The following RAB6A variants were observed in gnomAD, a reference collection of about 807,000 sequenced individuals.
RAB6A encodes the protein ras-related protein Rab-6A.
In RAB6A, 8 loss-of-function variants were observed where a neutral mutation model predicts 32.3. The observed-to-expected ratio is 0.25, with a 90% CI of 0.15 to 0.45. RAB6A has a LOEUF of 0.45. Ranked by LOEUF, RAB6A falls within the 20% of genes least tolerant of loss-of-function variation. RAB6A has a pLI of 1.00. For missense variants in RAB6A, 104 were observed against 249.4 expected, an observed-to-expected ratio of 0.42 and a Z score of 3.93; for synonymous variants, 73 against 82.1, an observed-to-expected ratio of 0.89 and a Z score of 0.60.
intron 1 of RAB6A, among the ~76,000 whole-genome samples, chr11:73,740,258 T>G (rs1470925513): frequency 6.6e-6 from 1 of 152,158 alleles, no homozygotes; most frequent in East Asian, 1.9e-4. Flanking sequence ...TAATGGTAGC[T>G]TAAATCATAT....
chr11:73,739,291 A>G (rs1339312186), intron 1 of RAB6A, among the ~76,000 whole-genome samples: 1 of 79,120 alleles, frequency 1.3e-5, no homozygotes, highest in African/African-American at 4.0e-5. Flanking sequence ...AAAAATATAT[A>G]TATATATATA....
chr11:73,724,576 C>T (rs1183939005), intron 2 of RAB6A, among the ~76,000 whole-genome samples: 5 of 151,242 alleles, frequency 3.3e-5, no homozygotes, highest in African/African-American at 1.2e-4. Flanking sequence ...ACCTCCGCCT[C>T]CCGGGGTTCA....
At chr11:73,679,198 G>C (rs557963772) in intron 7 of RAB6A, among the ~76,000 whole-genome samples, 2 of 152,300 alleles carry the variant, frequency 1.3e-5, no homozygotes, top group South Asian at 4.1e-4. Flanking sequence ...ACTAATATTA[G>C]ATGTCCCAAT....
At chr11:73,713,516 C>T (rs892902616) in intron 5 of RAB6A, among the ~76,000 whole-genome samples, 11 of 149,060 alleles carry the variant, frequency 7.4e-5, no homozygotes, top group Non-Finnish European at 1.5e-4. Context: ...TGCAGTGAGC[C>T]AAGATTGCGC....
At chr11:73,725,583 G>A (rs1380149580) in intron 2 of RAB6A, among the ~76,000 whole-genome samples, 2 of 152,124 alleles carry the variant, frequency 1.3e-5, no homozygotes, top group African/African-American at 4.8e-5. Flanking sequence ...AGAAGCAAGC[G>A]AAAAGGGTTT....
intron 5 of RAB6A, 74 bp downstream of exon 5, chr11:73,716,177 A>G (rs1946048883): frequency 8.4e-7 from 1 of 1,190,442 alleles, no homozygotes. Context: ...TTTCAAAACA[A>G]TTTCTCAGTG....
intron 1 of RAB6A, among the ~76,000 whole-genome samples, chr11:73,736,926 C>T (rs1208098303): frequency 2.8e-5 from 4 of 141,962 alleles, no homozygotes; most frequent in South Asian, 2.2e-4. Context: ...TACAATGAAC[C>T]GTGATCATGC....
At chr11:73,708,315 C>T (rs1288720825) in intron 5 of RAB6A, among the ~76,000 whole-genome samples, 1 of 151,986 alleles carries the variant, frequency 6.6e-6, no homozygotes, top group East Asian at 1.9e-4. Context: ...ATTATAGGCG[C>T]CCACCACCAC....
chr11:73,757,536 A>G (rs1303856733), intron 1 of RAB6A, among the ~76,000 whole-genome samples: 1 of 152,124 alleles, frequency 6.6e-6, no homozygotes, highest in East Asian at 1.9e-4. Context: ...TGAGCACATC[A>G]TTGGTATAAT....
intron 6 of RAB6A, among the ~76,000 whole-genome samples, chr11:73,683,553 T>C (rs924221533): frequency 5.9e-5 from 9 of 151,840 alleles, no homozygotes; most frequent in Non-Finnish European, 1.3e-4. Context: ...CCACCGCACC[T>C]GGTGGCACTA....
At chr11:73,733,550 CAAAAAAAA>C (rs773779816) in intron 1 of RAB6A, among the ~76,000 whole-genome samples, 5 of 118,502 alleles carry the variant, frequency 4.2e-5, no homozygotes, top group Middle Eastern at 5.4e-3. Flanking sequence ...GACACCATCT[CAAAAAAAA>C]AAAAATAAAT....
chr11:73,703,502 A>T (rs952362704), intron 6 of RAB6A, among the ~76,000 whole-genome samples: 1 of 151,406 alleles, frequency 6.6e-6, no homozygotes, highest in Non-Finnish European at 1.5e-5. Flanking sequence ...AGCACTTTGA[A>T]AGGCTGAGGT....
intron 7 of RAB6A, among the ~76,000 whole-genome samples, chr11:73,679,015 C>A (rs186466489): frequency 7.9e-5 from 12 of 152,164 alleles, no homozygotes; most frequent in African/African-American, 2.9e-4. Context: ...CATAAGCCAC[C>A]GCGCCCGGCC....
intron 1 of RAB6A, among the ~76,000 whole-genome samples, chr11:73,731,748 A>T (rs1353266525): frequency 2.0e-4 from 17 of 83,464 alleles, no homozygotes; most frequent in African/African-American, 4.3e-4. Flanking sequence ...ACACACACAT[A>T]TTTTCTTTTT....
rs773059846 is a variant in RAB6A at position 73,760,681 on chromosome 11, G to A, written c.-46C>T. On this transcript the variant is annotated 5_prime_UTR_variant, in exon 1 of 8. Coordinates refer to ENST00000336083, the MANE Select transcript of RAB6A (RefSeq NM_198896.2). The stretch of plus-strand genomic sequence containing the variant: ...CGCCGCCTCAGCCTAGAGACCTCCC[G>A]GACCGATGCTGCTCCAGCCAGCTGA... 12 of 1,582,002 alleles carry A rather than the reference G, an allele frequency of 7.6e-6. No homozygotes were observed. Among genetic ancestry groups the A allele is most frequent in the East Asian group, 2.3e-5 (1 of 43,366 alleles).
At chr11:73,757,889 C>A (rs868861314) in intron 1 of RAB6A, among the ~76,000 whole-genome samples, 1 of 152,124 alleles carries the variant, frequency 6.6e-6, no homozygotes, top group Non-Finnish European at 1.5e-5. Flanking sequence ...CCTGGCTCTA[C>A]GCTAGGCAAT....
intron 1 of RAB6A, among the ~76,000 whole-genome samples, chr11:73,741,159 CAG>C (rs1375838316): frequency 1.3e-5 from 2 of 151,352 alleles, no homozygotes; most frequent in Non-Finnish European, 2.9e-5. Flanking sequence ...ACCCCCCCAA[CAG>C]AGTCTTGCTC....
intron 1 of RAB6A, among the ~76,000 whole-genome samples, chr11:73,739,263 T>TTTAAAAAAA (rs1555066890): frequency 2.1e-4 from 2 of 9,378 alleles, no homozygotes; most frequent in Non-Finnish European, 3.7e-4. Context: ...TAATAATAAT[T>TTTAAAAAAA]AAAAAAAAAA....
chr11:73,719,033 A>C lies in RAB6A; in HGVS notation c.184-315T>G, dbSNP rs374560937. 3 of 690,454 alleles carry C rather than the reference A, an allele frequency of 4.3e-6. No homozygotes were observed. The South Asian group carries it at 7.1e-5, about 16-fold the overall frequency. The allele number at this position is 690,454 out of a possible 1,614,324, so 42.8% of individuals were successfully genotyped here. The stretch of plus-strand genomic sequence containing the variant: ...TGCAAGAGGTTGCAGGGAGTGAGGA[A>C]TGAAAATAACACAAAACTCCTTTTT... On this transcript the variant is annotated intron_variant, in intron 3 of 7. Coordinates refer to ENST00000336083, the MANE Select transcript of RAB6A (RefSeq NM_198896.2).
Sources: gnomAD v4.1 joint callset for allele counts (sites outside exome capture counted in the v4.1 genomes callset) on GRCh38, gnomAD v4.1.1 for gene constraint, MANE v1.5 for transcripts, NCBI Gene and HGNC (gene_info 2026-07-23, HGNC 2026-07-21) for gene names.